The following LRRK1 variants were observed in gnomAD, a reference collection of about 807,000 sequenced individuals.
LRRK1 encodes leucine rich repeat kinase 1.
In LRRK1, 113 loss-of-function variants were observed where a neutral mutation model predicts 209.1. The ratio of observed to expected loss-of-function variants is 0.54; its 90% CI spans 0.46 to 0.63. LRRK1 has a LOEUF of 0.63. Ranked by LOEUF, LRRK1 falls within the 30% of genes least tolerant of loss-of-function variation. The pLI, the probability that LRRK1 is intolerant of heterozygous loss-of-function variation, is 0.00. For synonymous variants in LRRK1, 1,144 were observed against 1,099.7 expected (o/e 1.04, Z -0.80); for missense variants, 2,284 against 2,632.2 (o/e 0.87, Z 2.89).
chr15:100,926,342 T>C (rs141854565), intron 2 of LRRK1, among the ~76,000 whole-genome samples: 20 of 152,238 alleles, frequency 1.3e-4, no homozygotes, highest in African/African-American at 4.8e-4. Context: ...GAGGCTCCCT[T>C]ATCCTCCTGC....
rs954729766 is a variant in LRRK1, at chr15:101,049,558, G to T, written c.3300-86G>T. On this transcript the variant is annotated intron_variant, in intron 22 of 33. Coordinates refer to ENST00000388948, the MANE Select transcript of LRRK1 (RefSeq NM_024652.6). ...GAGTCTCTCCAGGTCCCCGGGGGTT[G>T]GTTCCTGTCCCTGGGGGTAGGGATA... The T allele has an allele frequency of 4.0e-6, 6 of 1,498,580 alleles. No homozygotes were observed. The African/African-American group carries it at 8.4e-5, about 21-fold the overall frequency. The allele number at this position is 1,498,580 out of a possible 1,614,324, so 92.8% of individuals were successfully genotyped here.
chr15:101,049,634 T>G lies in LRRK1; in HGVS notation c.3300-10T>G. On this transcript the variant is annotated splice_polypyrimidine_tract_variant and intron_variant, in intron 22 of 33. Transcript: ENST00000388948. ...ATCGCAATGGGCTCCTTTTGGTCTCTGGATTGCAGTGTGGAATCTTCCGAC... is the reference window on the plus strand; with the variant it reads ...ATCGCAATGGGCTCCTTTTGGTCTCGGGATTGCAGTGTGGAATCTTCCGAC... 1 of 1,612,834 alleles carries G rather than the reference T, an allele frequency of 6.2e-7. No homozygotes were observed. The highest frequency in any genetic ancestry group is 8.5e-7 in the Non-Finnish European group (1 of 1,179,384).
At chr15:100,962,825 T>TATA (rs2030161319) in intron 2 of LRRK1, among the ~76,000 whole-genome samples, 3 of 9,986 alleles carry the variant, frequency 3.0e-4, no homozygotes, top group East Asian at 5.2e-3. Context: ...ATATATATAT[T>TATA]TTTTTTTTTT....
At chr15:101,056,828 G>C in intron 27 of LRRK1, 28 bp from the exon 28 acceptor site, 1 of 1,542,510 alleles carries the variant, frequency 6.5e-7, no homozygotes, top group Non-Finnish European at 8.8e-7. Flanking sequence ...CCCAGGCAGC[G>C]ACCTGACTTG....
At chr15:101,040,610 C>G (rs964443422) in intron 20 of LRRK1, among the ~76,000 whole-genome samples, 14 of 152,106 alleles carry the variant, frequency 9.2e-5, no homozygotes, top group African/African-American at 3.1e-4. Context: ...AAGCTTAGGT[C>G]ATTTATTTTA....
intron 19 of LRRK1, among the ~76,000 whole-genome samples, chr15:101,028,012 C>G (rs763495827): frequency 6.6e-5 from 10 of 152,178 alleles, no homozygotes; most frequent in Non-Finnish European, 1.5e-5. Context: ...GTGTTTGCCA[C>G]GAGGACAGAC....
chr15:101,049,498 C>T, intron 22 of LRRK1, 146 bp from the exon 23 acceptor site: 1 of 861,206 alleles, frequency 1.2e-6, no homozygotes, highest in Non-Finnish European at 1.8e-6. Context: ...CACGTACATA[C>T]AGGGAGGAGT....
chr15:101,022,671 A>G lies in LRRK1; in HGVS notation c.2067+74A>G. ...CTTGGACTCCTTCTCCCTTCTCCCC[A>G]GAGAGCCCAGGATTTTCTCAGCCTG... On this transcript the variant is annotated intron_variant, in intron 15 of 33. Transcript: ENST00000388948. The surrounding 1 kb of genome is among the most constrained non-coding windows in gnomAD (Gnocchi z 4.0). The G allele has an allele frequency of 9.1e-7, 1 of 1,095,468 alleles. No individual in the cohort carries two copies. The highest frequency in any genetic ancestry group is 1.3e-6 in the Non-Finnish European group (1 of 768,298). The allele number at this position is 1,095,468 out of a possible 1,614,324, so 67.9% of individuals were successfully genotyped here. A position where few individuals can be genotyped will look rare whatever the true frequency, so the allele number is the denominator to read the frequency against.
At chr15:101,057,835 C>T (rs993566920) in intron 28 of LRRK1, among the ~76,000 whole-genome samples, 155 bp from the exon 29 acceptor site, 17 of 152,306 alleles carry the variant, frequency 1.1e-4, no homozygotes, top group African/African-American at 2.9e-4. Context: ...TTGCTCCTGA[C>T]GTCTGAAGCT....
rs73480674 is a variant in LRRK1, at chr15:100,924,544, A to G, written c.-89A>G. The G allele has an allele frequency of 8.3e-6, 9 of 1,089,994 alleles. No homozygotes were observed. The highest frequency in any genetic ancestry group is 1.8e-5 in the Admixed American group (1 of 55,812). The allele number at this position is 1,089,994 out of a possible 1,614,324, so 67.5% of individuals were successfully genotyped here. A position where few individuals can be genotyped will look rare whatever the true frequency, so the allele number is the denominator to read the frequency against. ...AGCTTTCTGCTCAGCCATGGCTACG[A>G]GTCCACGCCTTAATGCACCCCACAG... is the stretch of plus-strand genomic sequence containing the variant. On this transcript the variant is annotated 5_prime_UTR_variant, in exon 2 of 34. Coordinates refer to ENST00000388948, the MANE Select transcript of LRRK1 (RefSeq NM_024652.6).
Position 101,048,584 on chromosome 15 carries a change from T to C in LRRK1, c.3226T>C (p.Phe1076Leu), listed in dbSNP as rs2035216378. The C allele has an allele frequency of 6.3e-7, 1 of 1,581,544 alleles. No homozygotes were observed. The highest frequency in any genetic ancestry group is 1.4e-5 in the African/African-American group (1 of 72,266). ...AAACCAGAGAAATCGCTGTAGCACA[T>C]TCAGAGTGAAAAGAAATCAGACCAT... Reference protein sequence around the residue: ...TGNQRNRCSTFRVKRNQTIYW... With the variant: ...TGNQRNRCSTLRVKRNQTIYW... Residue 1076 changes from phenylalanine to leucine, a missense_variant, in exon 22 of 34, where the codon TTC (phenylalanine) becomes CTC (leucine). Phe to Leu is a conservative substitution (Grantham distance 22, BLOSUM62 0). This residue lies in a region of LRRK1 where 780 missense variants were observed against 985.2 expected (regional missense o/e 0.79). Coordinates refer to ENST00000388948, the MANE Select transcript of LRRK1 (RefSeq NM_024652.6).
At chr15:101,010,361 A>G in intron 7 of LRRK1, 89 bp from the exon 8 acceptor site, 1 of 1,468,210 alleles carries the variant, frequency 6.8e-7, no homozygotes, top group African/African-American at 1.4e-5. Context: ...AAAAGAAAAA[A>G]AATACACCTC....
At chr15:101,062,399 A>G in intron 30 of LRRK1, 175 bp from the exon 31 acceptor site, 2 of 567,850 alleles carry the variant, frequency 3.5e-6, no homozygotes, top group Non-Finnish European at 6.3e-6. Context: ...GTCTTTTTCA[A>G]CGTTTCTACA....
chr15:101,049,810 C>G (rs760641339), intron 23 of LRRK1, 27 bp downstream of exon 23: 3 of 1,601,072 alleles, frequency 1.9e-6, no homozygotes, highest in Admixed American at 3.4e-5. Context: ...GAAGCAAGCC[C>G]TCATTCATGC....
chr15:100,988,774 G>A lies in LRRK1; in HGVS notation c.574G>A (p.Val192Ile). The stretch of plus-strand genomic sequence containing the variant: ...CGCTGTCAGGAAGAATGAGTTCCCT[G>A]TCATCGTGCGCTTGCCCCTGTATGC... Reference protein sequence around the residue: ...SYAVRKNEFPVIVRLPLYAAI... With the variant: ...SYAVRKNEFPIIVRLPLYAAI... Residue 192 changes from valine (V) to isoleucine (I), a missense_variant, in exon 5 of 34, where the codon GTC (valine) becomes ATC (isoleucine). Physicochemically the swap from Val to Ile is conservative, Grantham distance 29 (BLOSUM62 3). Coordinates refer to ENST00000388948, the MANE Select transcript of LRRK1 (RefSeq NM_024652.6). The A allele has an allele frequency of 6.2e-7, 1 of 1,611,712 alleles. No homozygotes were observed. Among genetic ancestry groups the A allele is most frequent in the Non-Finnish European group, 8.5e-7 (1 of 1,178,036 alleles).
intron 2 of LRRK1, among the ~76,000 whole-genome samples, chr15:100,938,469 A>T (rs1251001326): frequency 6.6e-6 from 1 of 152,034 alleles, no homozygotes; most frequent in Non-Finnish European, 1.5e-5. Context: ...GCTTTTTGAA[A>T]ACAGACCACA....
At chr15:100,941,404 G>GTGCGTC (rs2042419490) in intron 2 of LRRK1, among the ~76,000 whole-genome samples, 1 of 118,676 alleles carries the variant, frequency 8.4e-6, no homozygotes, top group African/African-American at 5.1e-5. Flanking sequence ...GTGTGTCTGT[G>GTGCGTC]TGTGTCTCTG....
intron 12 of LRRK1, among the ~76,000 whole-genome samples, chr15:101,020,751 G>T (rs905188689): frequency 6.6e-6 from 1 of 152,158 alleles, no homozygotes; most frequent in African/African-American, 2.4e-5. Flanking sequence ...CCCATACTTT[G>T]TAATAGCTGC....
In LRRK1 at chr15:100,942,334, CA is replaced by C. The variant is rs556931125; in HGVS notation, c.97+17613del. Among the ~76,000 whole-genome samples, 300 of 151,878 alleles carry C rather than the reference CA, an allele frequency of 2.0e-3. 1 individual carries two copies. The highest frequency in any genetic ancestry group is 6.7e-3 in the African/African-American group (276 of 41,430). On this transcript the variant is annotated intron_variant, in intron 2 of 33. Transcript: ENST00000388948. Reference sequence around the variant, plus strand: ...TAAGTGCACATGCTAGGCAGACCCTCAAAAAAAATGGCCTGTTCTTTTTCTC... The same window carrying C: ...TAAGTGCACATGCTAGGCAGACCCTCAAAAAAATGGCCTGTTCTTTTTCTC...
Sources: gnomAD v4.1 joint callset for allele counts (sites outside exome capture counted in the v4.1 genomes callset) on GRCh38, gnomAD v4.1.1 for gene constraint, gnomAD v4.1.1 regional missense constraint, Gnocchi (gnomAD v3.1) non-coding constraint, MANE v1.5 for transcripts, NCBI Gene and HGNC (gene_info 2026-07-23, HGNC 2026-07-21) for gene names.